FBN3: variants seen among roughly 807,000 people sequenced by gnomAD.
The protein encoded by FBN3 is fibrillin 3.
FBN3 carries 234 observed loss-of-function variants against 330.1 expected under a neutral mutation model. That is an observed-to-expected ratio of 0.71 (90% CI 0.64 to 0.79). The LOEUF is 0.79. Among genes scored for constraint, FBN3 ranks in the 30% least tolerant of loss-of-function variants. FBN3 has a pLI of 0.00. For missense variants in FBN3, 3,606 were observed against 3,886.9 expected (o/e 0.93, Z 1.92); for synonymous variants, 1,458 against 1,517.3 (o/e 0.96, Z 0.91).
intron 59 of FBN3, among the ~76,000 whole-genome samples, chr19:8,079,021 T>A (rs933992912): frequency 6.6e-6 from 1 of 151,648 alleles, no homozygotes; most frequent in Non-Finnish European, 1.5e-5. Flanking sequence ...CCCTAAGCCA[T>A]CCTCCCAAAG....
intron 13 of FBN3, among the ~76,000 whole-genome samples, chr19:8,133,968 C>T (rs146948980): frequency 0.39 from 59,237 of 150,026 alleles, 13,203 homozygotes; most frequent in African/African-American, 0.6. Context: ...GGTTCACGCC[C>T]GTAATCCCAG....
At chr19:8,144,392 C>CA (rs71286221) in intron 6 of FBN3, among the ~76,000 whole-genome samples, 50,536 of 147,366 alleles carry the variant, frequency 0.34, 8,904 homozygotes, top group Non-Finnish European at 0.4. Context: ...AACTTTGTCT[C>CA]AAAAAAAAAA....
intron 37 of FBN3, among the ~76,000 whole-genome samples, chr19:8,107,802 G>A (rs2082481054): frequency 6.7e-6 from 1 of 149,450 alleles, no homozygotes; most frequent in Non-Finnish European, 1.5e-5. Flanking sequence ...TGGAAAAAAT[G>A]GAAGGATGGA....
intron 57 of FBN3, 71 bp from the exon 58 acceptor site, chr19:8,081,551 G>A (rs1376775163): frequency 7.5e-6 from 11 of 1,467,188 alleles, no homozygotes; most frequent in Non-Finnish European, 1.0e-5. Context: ...AGGGACTGAG[G>A]TCTCCACCAG....
intron 63 of FBN3, 137 bp from the exon 64 acceptor site, chr19:8,066,397 G>A: frequency 1.5e-6 from 1 of 686,612 alleles, no homozygotes; most frequent in Non-Finnish European, 2.4e-6. Context: ...AAAAAGGAAT[G>A]AAATCATGCC....
intron 53 of FBN3, 75 bp from the exon 54 acceptor site, chr19:8,087,286 C>G: frequency 6.8e-7 from 1 of 1,467,846 alleles, no homozygotes; most frequent in Non-Finnish European, 9.0e-7. Context: ...TTCCACCCTG[C>G]GTCAGCCCTG....
Position 8,117,528 on chromosome 19 carries a change from G to A in FBN3, c.3399C>T (p.Ile1133=), listed in dbSNP as rs570628418. The change falls in exon 27 of 64, where the codon ATC becomes ATT. Residue 1133 remains isoleucine, a synonymous_variant. Transcript: ENST00000600128. The part of the protein sequence containing the change: ...LCPHGQCVNV[I]GAFQCSCHAG... ...CATGGCAGGAGCACTGGAAGGCACC[G>A]ATGACATTGACACACTGGCCATGGG... 4.5e-5 allele frequency: 70 copies of A among 1,558,086 alleles called. No individual in the cohort carries two copies. Among genetic ancestry groups the A allele is most frequent in the Middle Eastern group, 1.7e-4 (1 of 6,018 alleles).
Position 8,109,642 on chromosome 19 carries a change from AC to A in FBN3, c.4444del (p.Val1482TrpfsTer167). 1 of 1,592,246 alleles carries A rather than the reference AC, an allele frequency of 6.3e-7. No homozygotes were observed. Among genetic ancestry groups the A allele is most frequent in the Non-Finnish European group, 8.6e-7 (1 of 1,169,006 alleles). ...GAGCATGGACTCACCCACGCAGCCC[AC>A]TCCGCTGGGGTTCAGCTCAAAATCC... ...PQDFELNPSG[V>X]GCVDTRAGNC... On this transcript the variant is annotated frameshift_variant, in exon 35 of 64. Coordinates refer to ENST00000600128, the MANE Select transcript of FBN3 (RefSeq NM_032447.5). LOFTEE classifies it high-confidence loss of function. This position sits in a 1 kb window ranked among gnomAD's most constrained non-coding sequence, Gnocchi z 5.2.
At chr19:8,083,643 A>G (rs1027177103) in intron 56 of FBN3, among the ~76,000 whole-genome samples, 1 of 151,200 alleles carries the variant, frequency 6.6e-6, no homozygotes, top group Non-Finnish European at 1.5e-5. Context: ...GTGCACCAAC[A>G]TGCAGAACAG....
intron 59 of FBN3, among the ~76,000 whole-genome samples, chr19:8,078,777 TTCTC>T (rs34147155): frequency 3.5e-5 from 5 of 144,180 alleles, no homozygotes; most frequent in Admixed American, 6.9e-5. Flanking sequence ...TGTTCAAATG[TTCTC>T]TCTCTCTCTC....
intron 59 of FBN3, among the ~76,000 whole-genome samples, chr19:8,080,689 G>A (rs1248661328): frequency 6.6e-6 from 1 of 152,064 alleles, no homozygotes; most frequent in Non-Finnish European, 1.5e-5. Context: ...CATGATCTCA[G>A]CTCACTGCAA....
At chr19:8,148,882 C>G (rs2083612343) in intron 1 of FBN3, 1 of 152,348 alleles carries the variant, frequency 6.6e-6, no homozygotes, top group Non-Finnish European at 1.5e-5. Flanking sequence ...GGACTCCAAG[C>G]AGCCTCGGGG....
chr19:8,088,573 A>T (rs900201196), intron 51 of FBN3, among the ~76,000 whole-genome samples: 1 of 152,242 alleles, frequency 6.6e-6, no homozygotes, highest in African/African-American at 2.4e-5. Context: ...ATGAATGGTT[A>T]AATGAATAAG....
Position 8,088,172 on chromosome 19 carries a change from G to A in FBN3, c.6384C>T (p.Asp2128=), listed in dbSNP as rs147150775. ...DFTGINCVDT[D]ECSVGHPCGQ... is the part of the protein sequence containing the mutation. ...CACAGGGGTGGCCGACAGAGCACTC[G>A]TCTGTGTCTGGGTGGGAGTAAGGGG... Residue 2128 remains aspartate, a synonymous_variant, in exon 52 of 64, where the codon GAC becomes GAT. Transcript: ENST00000600128. 6.6e-5 allele frequency: 106 copies of A among 1,599,238 alleles called. 1 individual carries two copies. In the African/African-American group the frequency reaches 1.0e-3, roughly 16 times the overall value.
intron 59 of FBN3, among the ~76,000 whole-genome samples, chr19:8,079,154 C>A (rs1457584945): frequency 6.6e-6 from 1 of 152,082 alleles, no homozygotes; most frequent in Non-Finnish European, 1.5e-5. Flanking sequence ...GATCACTTGA[C>A]ACCAGGAGTT....
At position 8,096,023 on chromosome 19, in the gene FBN3, C is replaced by T; in HGVS notation, c.5597G>A (p.Gly1866Asp). The T allele has an allele frequency of 6.2e-7, 1 of 1,614,138 alleles. No individual in the cohort carries two copies. The highest frequency in any genetic ancestry group is 8.5e-7 in the Non-Finnish European group (1 of 1,179,996). The change falls in exon 45 of 64, where the codon GGC becomes GAC. Residue 1866 changes from glycine (G) to aspartate (D), a missense_variant. Transcript: ENST00000600128. The surrounding 1 kb of genome is among the most constrained non-coding windows in gnomAD (Gnocchi z 4.6). ...AGGGAAGCAGAGGCAGTTGTAGGAG[C>T]CAATGATGTTCTTGCAGGTCCCATT... ...CGNGTCKNII[G>D]SYNCLCFPGF...
At chr19:8,066,393 G>A (rs2081391328) in intron 63 of FBN3, 133 bp from the exon 64 acceptor site, 1 of 704,148 alleles carries the variant, frequency 1.4e-6, no homozygotes, top group African/African-American at 1.8e-5. Context: ...CCATAAAAAG[G>A]AATGAAATCA....
Position 8,145,941 on chromosome 19 carries a change from G to A in FBN3, c.350-3C>T. 1.3e-6 allele frequency: 2 copies of A among 1,549,824 alleles called. No individual in the cohort carries two copies. ...ACAGCTCACACTGCACCCTGACCCT[G>A]GGGACAGGAAGGCAGGACGCATAGT... is the stretch of plus-strand genomic sequence containing the variant. On this transcript the variant is annotated splice_polypyrimidine_tract_variant and splice_region_variant and intron_variant, in intron 4 of 63. Transcript: ENST00000600128.
chr19:8,070,711 T>C (rs1373988009), intron 63 of FBN3, among the ~76,000 whole-genome samples: 1 of 152,122 alleles, frequency 6.6e-6, no homozygotes, highest in Non-Finnish European at 1.5e-5. Context: ...AGTTCCTCCA[T>C]CTGTAAAATA....
Sources: allele counts gnomAD v4.1 joint callset (sites outside exome capture counted in the v4.1 genomes callset), GRCh38; gene constraint gnomAD v4.1.1; non-coding constraint Gnocchi (gnomAD v3.1); transcripts MANE v1.5; gene names NCBI Gene and HGNC (gene_info 2026-07-23, HGNC 2026-07-21).